SPATS2L: variants seen among roughly 807,000 people sequenced by gnomAD.
The protein encoded by SPATS2L is spermatogenesis associated serine rich 2 like.
SPATS2L carries 30 observed loss-of-function variants against 59.6 expected under a neutral mutation model. The observed-to-expected ratio is 0.50, with a 90% CI of 0.38 to 0.68. The LOEUF (loss-of-function observed/expected upper bound fraction) is 0.68. SPATS2L is among the 30% of genes least tolerant of loss of function. The pLI, the probability that SPATS2L is intolerant of heterozygous loss-of-function variation, is 0.00. For missense variants in SPATS2L, 615 were observed against 700.0 expected (o/e 0.88, Z 1.37); for synonymous variants, 252 against 263.5 (o/e 0.96, Z 0.42).
At chr2:200,466,613 G>C (rs115777274) in intron 9 of SPATS2L, among the ~76,000 whole-genome samples, 3 of 152,194 alleles carry the variant, frequency 2.0e-5, no homozygotes, top group African/African-American at 4.8e-5. Context: ...AAATTCACAC[G>C]AATCTAGTTC....
chr2:200,308,624 TACACACACACAC>T (rs35193445), intron 1 of SPATS2L, among the ~76,000 whole-genome samples: 1 of 149,406 alleles, frequency 6.7e-6, no homozygotes, highest in Non-Finnish European at 1.5e-5. Context: ...TGGCTTTAAA[TACACACACACAC>T]ACACACAGAC....
intron 6 of SPATS2L, among the ~76,000 whole-genome samples, chr2:200,436,886 G>A (rs2084332145): frequency 6.6e-6 from 1 of 152,088 alleles, no homozygotes; most frequent in Non-Finnish European, 1.5e-5. Flanking sequence ...GGATCATGGG[G>A]GCAGATCCCT....
At chr2:200,323,052 A>G (rs159320) in intron 1 of SPATS2L, among the ~76,000 whole-genome samples, 70,193 of 152,022 alleles carry the variant, frequency 0.46, 16,831 homozygotes, top group African/African-American at 0.59. Context: ...AAAGGCTTCA[A>G]ATCTCGACAG....
intron 12 of SPATS2L, 101 bp from the exon 13 acceptor site, chr2:200,477,535 A>AAAAAG (rs2087635838): frequency 1.4e-6 from 1 of 702,666 alleles, no homozygotes; most frequent in Admixed American, 4.4e-5. Flanking sequence ...AAAAAAAAAA[A>AAAAAG]AAAGCTTACC....
chr2:200,315,867 A>AAAC (rs1412704103), intron 1 of SPATS2L, among the ~76,000 whole-genome samples: 1 of 149,974 alleles, frequency 6.7e-6, no homozygotes, highest in Non-Finnish European at 1.5e-5. Context: ...AAAAAAAAAA[A>AAAC]AAAAAAAAAG....
At chr2:200,318,986 T>A (rs987222961) in intron 1 of SPATS2L, among the ~76,000 whole-genome samples, 1 of 152,344 alleles carries the variant, frequency 6.6e-6, no homozygotes, top group Non-Finnish European at 1.5e-5. Flanking sequence ...CAATACTCCA[T>A]CAAGCACAGG....
chr2:200,413,935 A>T (rs975794416), intron 4 of SPATS2L, among the ~76,000 whole-genome samples: 11 of 152,212 alleles, frequency 7.2e-5, no homozygotes, highest in African/African-American at 2.7e-4. Context: ...GTATTAATCT[A>T]ACTTTGCAGC....
chr2:200,420,877 C>A (rs1246462733), intron 6 of SPATS2L, among the ~76,000 whole-genome samples: 1 of 152,046 alleles, frequency 6.6e-6, no homozygotes, highest in Admixed American at 6.5e-5. Context: ...CATCCTGCCC[C>A]CCAACCCCAC....
intron 6 of SPATS2L, among the ~76,000 whole-genome samples, chr2:200,426,329 A>G (rs965197039): frequency 6.6e-6 from 1 of 151,948 alleles, no homozygotes; most frequent in African/African-American, 2.4e-5. Context: ...TGACCTTGTG[A>G]TCTGCCCACC....
intron 3 of SPATS2L, among the ~76,000 whole-genome samples, chr2:200,392,470 T>G (rs889578497): frequency 2.0e-5 from 3 of 152,186 alleles, no homozygotes; most frequent in Non-Finnish European, 4.4e-5. Context: ...ATAATATCCT[T>G]TGTAATAAAC....
At chr2:200,398,832 C>T (rs573461885) in intron 3 of SPATS2L, among the ~76,000 whole-genome samples, 1 of 152,200 alleles carries the variant, frequency 6.6e-6, no homozygotes, top group East Asian at 1.9e-4. Flanking sequence ...AACTGGATGC[C>T]TCAGGTTGAA....
At chr2:200,392,345 C>A (rs1301547406) in intron 3 of SPATS2L, among the ~76,000 whole-genome samples, 3 of 152,162 alleles carry the variant, frequency 2.0e-5, no homozygotes, top group Non-Finnish European at 2.9e-5. Context: ...AAGGACTGAG[C>A]TAAATACTTG....
At chr2:200,378,157 A>G (rs1383842809) in intron 2 of SPATS2L, 1 of 917,940 alleles carries the variant, frequency 1.1e-6, no homozygotes, top group Middle Eastern at 3.9e-4. Context: ...AAGGCCACCA[A>G]CCCCCTGCTG....
intron 5 of SPATS2L, among the ~76,000 whole-genome samples, chr2:200,418,870 T>C (rs1449564806): frequency 6.6e-6 from 1 of 152,192 alleles, no homozygotes; most frequent in Non-Finnish European, 1.5e-5. Flanking sequence ...TTCACCACTT[T>C]GAGATGAGAG....
intron 6 of SPATS2L, among the ~76,000 whole-genome samples, chr2:200,435,978 A>G (rs1430108860): frequency 1.3e-5 from 2 of 152,150 alleles, no homozygotes; most frequent in Non-Finnish European, 2.9e-5. Flanking sequence ...TTTATTTTGT[A>G]CTAAACCTTC....
intron 5 of SPATS2L, 62 bp downstream of exon 5, chr2:200,416,490 C>T (rs1559112069): frequency 4.0e-6 from 4 of 997,874 alleles, no homozygotes; most frequent in Admixed American, 7.0e-5. Flanking sequence ...TGGTTGTTAT[C>T]ATTTTAACAA....
intron 3 of SPATS2L, among the ~76,000 whole-genome samples, chr2:200,401,767 A>G (rs2082536223): frequency 6.6e-6 from 1 of 152,220 alleles, no homozygotes; most frequent in South Asian, 2.1e-4. Flanking sequence ...AGGTTTAGCT[A>G]TGTTTTGAAA....
upstream of SPATS2L, chr2:200,306,437 G>GA: frequency 1.0e-6 from 1 of 1,002,316 alleles, no homozygotes; most frequent in Non-Finnish European, 1.2e-6. Flanking sequence ...GCTGTACTGG[G>GA]ATTCTTCTAG....
At chr2:200,440,554 T>G in intron 7 of SPATS2L, 95 bp from the exon 8 acceptor site, 3 of 1,252,066 alleles carry the variant, frequency 2.4e-6, no homozygotes, top group East Asian at 2.4e-5. Flanking sequence ...GATGAGTCCC[T>G]TTTTCTGGTG....
Sources: allele counts gnomAD v4.1 joint callset (sites outside exome capture counted in the v4.1 genomes callset), GRCh38; gene constraint gnomAD v4.1.1; transcripts MANE v1.5; gene names NCBI Gene and HGNC (gene_info 2026-07-23, HGNC 2026-07-21).